GALNT13: variants seen among roughly 807,000 people sequenced by gnomAD.
The protein encoded by GALNT13 is UDP-GalNAc:polypeptide N-acetylgalactosaminyltransferase 13.
A neutral mutation model predicts 64.2 loss-of-function variants in GALNT13; 28 were observed. The ratio of observed to expected loss-of-function variants is 0.44; its 90% CI spans 0.32 to 0.60. The LOEUF is 0.60. Ranked by LOEUF, GALNT13 falls within the 20% of genes least tolerant of loss-of-function variation. The pLI is 0.05. For synonymous variants in GALNT13, 214 were observed against 224.6 expected (o/e 0.95, Z 0.42); for missense variants, 577 against 669.8 (o/e 0.86, Z 1.53).
the GALNT13 span, among the ~76,000 whole-genome samples, chr2:153,716,558 A>G: frequency 6.6e-6 from 1 of 152,104 alleles, no homozygotes; most frequent in Admixed American, 6.5e-5. Flanking sequence ...AAAAACCTCT[A>G]TGAGTAAGCA....
At chr2:153,283,556 C>A in the GALNT13 span, among the ~76,000 whole-genome samples, 2 of 152,096 alleles carry the variant, frequency 1.3e-5, no homozygotes, top group Non-Finnish European at 2.9e-5. Flanking sequence ...TTAGTGGGTG[C>A]TCCAAATGCC....
the GALNT13 span, among the ~76,000 whole-genome samples, chr2:153,213,985 C>A: frequency 3.3e-5 from 5 of 152,222 alleles, no homozygotes; most frequent in African/African-American, 1.2e-4. Flanking sequence ...TCTTATGCAA[C>A]CCCGATGTTA....
chr2:153,680,061 A>G, the GALNT13 span, among the ~76,000 whole-genome samples: 2 of 151,884 alleles, frequency 1.3e-5, no homozygotes, highest in Non-Finnish European at 1.5e-5. Context: ...TTCTACCTTC[A>G]TCCCACAAGA....
chr2:154,371,627 A>C (rs1697691297), intron 9 of GALNT13, among the ~76,000 whole-genome samples: 2 of 152,082 alleles, frequency 1.3e-5, no homozygotes, highest in South Asian at 2.1e-4. Flanking sequence ...GAAACTCTGC[A>C]TAATTTTAGA....
the GALNT13 span, among the ~76,000 whole-genome samples, chr2:153,378,626 C>A: frequency 1.3e-5 from 2 of 152,052 alleles, no homozygotes. Flanking sequence ...TAAAGTGTTT[C>A]CAGAGGCCAA....
At chr2:154,358,561 G>A in intron 9 of GALNT13, among the ~76,000 whole-genome samples, 1 of 151,970 alleles carries the variant, frequency 6.6e-6, no homozygotes, top group East Asian at 1.9e-4. Context: ...CTTCTAAAAT[G>A]GGAGGTTTAT....
chr2:153,708,231 T>C, the GALNT13 span, among the ~76,000 whole-genome samples: 1 of 152,138 alleles, frequency 6.6e-6, no homozygotes. Flanking sequence ...GTATGTTCCC[T>C]TTACATAAAA....
chr2:153,706,153 C>T, the GALNT13 span, among the ~76,000 whole-genome samples: 8 of 152,026 alleles, frequency 5.3e-5, no homozygotes, highest in Admixed American at 3.9e-4. Context: ...TGCCCCACCA[C>T]GCCCAGCTAA....
At chr2:153,915,916 G>A (rs114786851) in intron 2 of GALNT13, among the ~76,000 whole-genome samples, 2 of 152,206 alleles carry the variant, frequency 1.3e-5, no homozygotes, top group Non-Finnish European at 2.9e-5. Context: ...ATTACTCTTA[G>A]TTGTAAAGGA....
intron 9 of GALNT13, among the ~76,000 whole-genome samples, chr2:154,393,551 C>CT (rs1368420225): frequency 6.6e-6 from 1 of 152,146 alleles, no homozygotes. Context: ...AAAAGCCATT[C>CT]TCACCAAAAT....
chr2:153,796,812 T>C, the GALNT13 span, among the ~76,000 whole-genome samples: 2 of 152,182 alleles, frequency 1.3e-5, no homozygotes, highest in Admixed American at 1.3e-4. Context: ...AAATATATAA[T>C]GGCAGGTCTT....
At chr2:153,217,154 C>T in the GALNT13 span, among the ~76,000 whole-genome samples, 1 of 151,818 alleles carries the variant, frequency 6.6e-6, no homozygotes, top group Non-Finnish European at 1.5e-5. Context: ...TCTTTTGTTT[C>T]ATTGATCTGT....
At chr2:154,343,303 T>C (rs569456208) in intron 9 of GALNT13, among the ~76,000 whole-genome samples, 21 of 152,126 alleles carry the variant, frequency 1.4e-4, no homozygotes, top group African/African-American at 5.1e-4. Flanking sequence ...GAGCTATCTG[T>C]TTAGGGAAGG....
the GALNT13 span, among the ~76,000 whole-genome samples, chr2:153,254,743 G>A: frequency 2.0e-5 from 3 of 152,074 alleles, no homozygotes; most frequent in East Asian, 1.9e-4. Context: ...AATCATTCAG[G>A]AGCAGGTTGT....
chr2:153,578,525 T>C, the GALNT13 span, among the ~76,000 whole-genome samples: 2 of 152,194 alleles, frequency 1.3e-5, no homozygotes, highest in Admixed American at 6.5e-5. Flanking sequence ...TGAAGGCTGA[T>C]TGGCAGCCAC....
intron 9 of GALNT13, among the ~76,000 whole-genome samples, chr2:154,393,455 T>C (rs1041699552): frequency 6.6e-6 from 1 of 152,144 alleles, no homozygotes; most frequent in African/African-American, 2.4e-5. Context: ...ACCTGAGAAA[T>C]GTGGAGGAGT....
chr2:154,126,595 A>G (rs1357126142), intron 3 of GALNT13, among the ~76,000 whole-genome samples: 6 of 151,156 alleles, frequency 4.0e-5, no homozygotes, highest in African/African-American at 4.9e-5. Context: ...AGATCGCGCC[A>G]TTGCACTCCA....
At chr2:154,306,618 T>TGGGGGG (rs70983716) in intron 9 of GALNT13, among the ~76,000 whole-genome samples, 28 of 125,828 alleles carry the variant, frequency 2.2e-4, no homozygotes, top group Non-Finnish European at 3.8e-4. Flanking sequence ...GATAATTTGG[T>TGGGGGG]GGGGGGGGGG....
At chr2:154,167,754 G>A (rs752245902) in intron 4 of GALNT13, among the ~76,000 whole-genome samples, 2 of 152,106 alleles carry the variant, frequency 1.3e-5, no homozygotes. Context: ...CAGAGCCCAA[G>A]CAGGTTGAGG....
Sources: gnomAD v4.1 joint callset for allele counts (sites outside exome capture counted in the v4.1 genomes callset) on GRCh38, gnomAD v4.1.1 for gene constraint, MANE v1.5 for transcripts, NCBI Gene and HGNC (gene_info 2026-07-23, HGNC 2026-07-21) for gene names.